DNAAF2: variants seen among roughly 807,000 people sequenced by gnomAD.
DNAAF2 encodes the protein protein kintoun.
A neutral mutation model predicts 48.8 loss-of-function variants in DNAAF2; 58 were observed. The observed-to-expected ratio is 1.19, with a 90% CI of 0.96 to 1.48. The LOEUF (loss-of-function observed/expected upper bound fraction) is 1.48, where lower values mean the gene tolerates loss of function less well. Among genes scored for constraint, DNAAF2 ranks in the 40% most tolerant of loss-of-function variants. The probability of loss-of-function intolerance (pLI) is 0.00; values close to 1 mark genes in which losing one functional copy is unlikely to be tolerated. For missense variants in DNAAF2, 1,241 were observed against 1,116.1 expected, an observed-to-expected ratio of 1.11 and a Z score of -1.59; for synonymous variants, 567 against 481.2, an observed-to-expected ratio of 1.18 and a Z score of -2.33.
Position 49,633,935 on chromosome 14 carries a change from A to C in DNAAF2, c.1215T>G (p.Ala405=), listed in dbSNP as rs886050526. 5 of 1,530,868 alleles carry C rather than the reference A, an allele frequency of 3.3e-6. No homozygotes were observed. Among genetic ancestry groups the C allele is most frequent in the Non-Finnish European group, 3.5e-6 (4 of 1,144,904 alleles). The allele number at this position is 1,530,868 out of a possible 1,614,324, so 94.8% of individuals were successfully genotyped here. ...TGGTGACCCCGGAGCCCGCAGCCCC[A>C]GCCACGCAGGTATCGTGGCCTCCGT... is the stretch of plus-strand genomic sequence containing the variant. ...AEDGGHDTCV[A]GAAGSGVTTL... Residue 405 remains alanine, a synonymous_variant, in exon 1 of 3, where the codon GCT becomes GCG. Coordinates refer to ENST00000298292, the MANE Select transcript of DNAAF2 (RefSeq NM_018139.3).
At position 49,633,605 on chromosome 14, in the gene DNAAF2, G is replaced by C. The variant is rs990883069; in HGVS notation, c.1545C>G (p.Thr515=). 18 of 1,613,796 alleles carry C rather than the reference G, an allele frequency of 1.1e-5. No individual in the cohort carries two copies. The highest frequency in any genetic ancestry group is 1.4e-5 in the Non-Finnish European group (17 of 1,179,868). ...RSACAMGGPG[T]KSGEPLCPPL... The stretch of plus-strand genomic sequence containing the variant: ...GAGGACACAAAGGCTCCCCGCTCTT[G>C]GTCCCGGGACCACCCATGGCGCAGG... The change falls in exon 1 of 3, where the codon ACC becomes ACG. Residue 515 remains threonine (T), a synonymous_variant. Transcript: ENST00000298292.
rs566767647 is a variant in DNAAF2 at position 49,628,970 on chromosome 14, AT to A, written c.1864-816del. Among the ~76,000 whole-genome samples, 1,446 of 150,682 alleles carry A rather than the reference AT, an allele frequency of 9.6e-3. 21 individuals are homozygous for A. Among genetic ancestry groups the A allele is most frequent in the African/African-American group, 0.034 (1,376 of 41,066 alleles). ...AATAAGTGGTGTGTTTTTTTGTTTG[AT>A]TTTGTTTTTGAGACAGAGTCTTGCT... On this transcript the variant is annotated intron_variant, in intron 1 of 2. Transcript: ENST00000298292.
chr14:49,634,348 A>T lies in DNAAF2; in HGVS notation c.802T>A (p.Tyr268Asn). 6.2e-7 allele frequency: 1 copy of T among 1,610,424 alleles called. No homozygotes were observed. The highest frequency in any genetic ancestry group is 8.5e-7 in the Non-Finnish European group (1 of 1,179,100). Reference protein sequence around the residue: ...VQRHHVDLQDYRCSRDSAPSP... With the variant: ...VQRHHVDLQDNRCSRDSAPSP... ...GGGGCTGAGTCCCTGGAGCAGCGGT[A>T]ATCCTGGAGGTCCACGTGGTGGCGC... Residue 268 changes from tyrosine (Y) to asparagine (N), a missense_variant, in exon 1 of 3, where the codon TAC becomes AAC. Coordinates refer to ENST00000298292, the MANE Select transcript of DNAAF2 (RefSeq NM_018139.3).
chr14:49,633,286 C>A lies in DNAAF2; in HGVS notation c.1863+1G>T, dbSNP rs1383119923. On this transcript the variant is annotated splice_donor_variant, in intron 1 of 2. Coordinates refer to ENST00000298292, the MANE Select transcript of DNAAF2 (RefSeq NM_018139.3). LOFTEE classifies it high-confidence loss of function. ...ATGAGGACTCTGGAAAGAACTGTTA[C>A]CTCCAAAGAATCGTTGTTTACACCA... 1 of 1,612,564 alleles carries A rather than the reference C, an allele frequency of 6.2e-7. No individual in the cohort carries two copies. The highest frequency in any genetic ancestry group is 1.7e-5 in the Admixed American group (1 of 59,928).
chr14:49,625,958 G>T lies in DNAAF2; in HGVS notation c.2098C>A (p.His700Asn). ...SHLTEKEYIE[H>N]CNTPTTDSDS... ...GAATCAGTTGTAGGGGTGTTACAATGTTCTATATATTCCTTTTCAGTTAGA... is the reference window on the plus strand; with the variant it reads ...GAATCAGTTGTAGGGGTGTTACAATTTTCTATATATTCCTTTTCAGTTAGA... Residue 700 changes from histidine to asparagine, a missense_variant, in exon 3 of 3, where the codon CAT (histidine) becomes AAT (asparagine). His to Asn is a moderately conservative substitution (Grantham distance 68). Coordinates refer to ENST00000298292, the MANE Select transcript of DNAAF2 (RefSeq NM_018139.3). The T allele has an allele frequency of 1.2e-6, 2 of 1,611,222 alleles. No individual in the cohort carries two copies. Among genetic ancestry groups the T allele is most frequent in the Non-Finnish European group, 1.7e-6 (2 of 1,179,150 alleles).
At chr14:49,628,517 C>CAT (rs1883069959) in intron 1 of DNAAF2, among the ~76,000 whole-genome samples, 1 of 151,388 alleles carries the variant, frequency 6.6e-6, no homozygotes, top group South Asian at 2.1e-4. Context: ...TGCAGTGGTG[C>CAT]AATCTCGGCT....
In DNAAF2 at chr14:49,633,801, C is replaced by A. The variant is rs185938951; in HGVS notation, c.1349G>T (p.Ser450Ile). The A allele has an allele frequency of 9.5e-5, 151 of 1,589,790 alleles. 2 individuals carry two copies. The East Asian group carries it at 3.3e-3, about 35-fold the overall frequency. The change falls in exon 1 of 3, where the codon AGC becomes ATC. Residue 450 changes from serine to isoleucine, a missense_variant. Physicochemically the swap from Ser to Ile is moderately radical, Grantham distance 142 (BLOSUM62 -2). Transcript: ENST00000298292. ...TCCTCCAGGAGATGGCTCCTCCACG[C>A]TGCCCGGCGGTGACCCCGCGTGCCT... Reference protein sequence around the residue: ...LSRHAGSPPGSVEEPSPGGEN... With the variant: ...LSRHAGSPPGIVEEPSPGGEN...
At chr14:49,628,680 C>T (rs191957153) in intron 1 of DNAAF2, among the ~76,000 whole-genome samples, 77 of 152,300 alleles carry the variant, frequency 5.1e-4, no homozygotes, top group Middle Eastern at 3.4e-3. Flanking sequence ...GTCTTGAACT[C>T]CTGACCTCAA....
intron 1 of DNAAF2, among the ~76,000 whole-genome samples, chr14:49,628,898 C>T (rs1458206765): frequency 6.6e-6 from 1 of 152,100 alleles, no homozygotes; most frequent in African/African-American, 2.4e-5. Flanking sequence ...TTTGTGTGAC[C>T]TTTTAGTTCT....
At position 49,633,860 on chromosome 14, in the gene DNAAF2, C is replaced by G. The variant is rs756180185; in HGVS notation, c.1290G>C (p.Glu430Asp). 6.5e-7 allele frequency: 1 copy of G among 1,549,846 alleles called. No individual in the cohort carries two copies. Among genetic ancestry groups the G allele is most frequent in the Non-Finnish European group, 8.7e-7 (1 of 1,155,074 alleles). ...CCTGCTCCCCCGGCTTGGGGACACG[C>G]TCCTCTCCAGCTGCGGCCGGCGGAG... ...VAPPPAAAGEERVPKPGEQDL... is the reference protein window; with the variant it reads ...VAPPPAAAGEDRVPKPGEQDL... The change falls in exon 1 of 3, where the codon GAG becomes GAC. Residue 430 changes from glutamate (E) to aspartate (D), a missense_variant. Physicochemically the swap from Glu to Asp is conservative, Grantham distance 45. Coordinates refer to ENST00000298292, the MANE Select transcript of DNAAF2 (RefSeq NM_018139.3).
At position 49,634,433 on chromosome 14, in the gene DNAAF2, G is replaced by A. The variant is rs1388353008; in HGVS notation, c.717C>T (p.Pro239=). Reference sequence around the variant, plus strand: ...GCTGCAAGGCCGCTTCCGGAGGGGAGGGCGCCCGGGGCCCGGGGGCTGCCG... The same window carrying A: ...GCTGCAAGGCCGCTTCCGGAGGGGAAGGCGCCCGGGGCCCGGGGGCTGCCG... ...QYPAAPGPRA[P]SPPEAALQPA... Residue 239 remains proline, a synonymous_variant, in exon 1 of 3, where the codon CCC becomes CCT. Transcript: ENST00000298292. The A allele has an allele frequency of 3.2e-6, 5 of 1,561,262 alleles. No homozygotes were observed. The Admixed American group carries it at 7.5e-5, about 24-fold the overall frequency.
rs1256254153 is a variant in DNAAF2 at position 49,634,645 on chromosome 14, G to A, written c.505C>T (p.Leu169=). The A allele has an allele frequency of 3.1e-6, 5 of 1,607,212 alleles. No homozygotes were observed. Among genetic ancestry groups the A allele is most frequent in the Admixed American group, 1.7e-5 (1 of 60,002 alleles). The change falls in exon 1 of 3, where the codon CTG becomes TTG. Residue 169 remains leucine, a synonymous_variant. Coordinates refer to ENST00000298292, the MANE Select transcript of DNAAF2 (RefSeq NM_018139.3). ...CCGAACTGCTTCTCGACGGCCTCCAGGGCCGTGGCGTCCAGCATCTGGCGG... is the reference window on the plus strand; with the variant it reads ...CCGAACTGCTTCTCGACGGCCTCCAAGGCCGTGGCGTCCAGCATCTGGCGG... ...GFRQMLDATA[L]EAVEKQFGVK... is the part of the protein sequence containing the mutation.
intron 1 of DNAAF2, among the ~76,000 whole-genome samples, chr14:49,631,164 A>G (rs1203272458): frequency 6.6e-6 from 1 of 152,240 alleles, no homozygotes; most frequent in Admixed American, 6.5e-5. Context: ...TATTATTTGA[A>G]GATCCAGAAT....
In DNAAF2 at chr14:49,634,308, T is replaced by A. The variant is rs1001229027; in HGVS notation, c.842A>T (p.His281Leu). ...CAGTTCGATGGTGATCACCAGCTCA[T>A]GGGGCACGGGGCTCGGGGCTGAGTC... ...SRDSAPSPVP[H>L]ELVITIELPL... Residue 281 changes from histidine (H) to leucine (L), a missense_variant, in exon 1 of 3, where the codon CAT becomes CTT. Physicochemically the swap from His to Leu is moderately conservative, Grantham distance 99. Coordinates refer to ENST00000298292, the MANE Select transcript of DNAAF2 (RefSeq NM_018139.3). The A allele has an allele frequency of 1.2e-6, 2 of 1,611,890 alleles. No individual in the cohort carries two copies. The highest frequency in any genetic ancestry group is 1.7e-6 in the Non-Finnish European group (2 of 1,179,714).
chr14:49,632,055 T>C (rs1883177871), intron 1 of DNAAF2, among the ~76,000 whole-genome samples: 1 of 152,252 alleles, frequency 6.6e-6, no homozygotes, highest in Non-Finnish European at 1.5e-5. Flanking sequence ...TTTTCGTCGT[T>C]TATTTTCTAA....
intron 1 of DNAAF2, among the ~76,000 whole-genome samples, chr14:49,630,711 T>TAC (rs34629972): frequency 0.036 from 4,375 of 120,118 alleles, 181 homozygotes; most frequent in African/African-American, 0.11. Flanking sequence ...ATAAACTCTC[T>TAC]ACACACACAC....
intron 1 of DNAAF2, among the ~76,000 whole-genome samples, chr14:49,632,912 GTTGT>G (rs1197138391): frequency 1.1e-3 from 22 of 19,600 alleles, no homozygotes; most frequent in African/African-American, 2.8e-3. Context: ...CAAATTTTAA[GTTGT>G]TTTTTTTTTT....
Position 49,625,444 on chromosome 14 carries a change from C to A in DNAAF2, c.*98G>T. On this transcript the variant is annotated 3_prime_UTR_variant, in exon 3 of 3. Transcript: ENST00000298292. ...AAAAATTGCAAATTTTAATTTTATA[C>A]TTTAATACCTTTAGTTTTAAGACAA... 1.0e-6 allele frequency: 1 copy of A among 954,658 alleles called. No individual in the cohort carries two copies. The highest frequency in any genetic ancestry group is 4.3e-5 in the South Asian group (1 of 23,186). 59.1% of individuals were successfully genotyped at this position (954,658 alleles called of 1,614,324 possible). A position where few individuals can be genotyped will look rare whatever the true frequency, so the allele number is the denominator to read the frequency against.
At chr14:49,626,431 C>T (rs1883008478) in intron 2 of DNAAF2, among the ~76,000 whole-genome samples, 1 of 152,130 alleles carries the variant, frequency 6.6e-6, no homozygotes, top group African/African-American at 2.4e-5. Context: ...GGAGGTTGCA[C>T]TGGGCCGAGA....
Sources: allele counts gnomAD v4.1 joint callset (sites outside exome capture counted in the v4.1 genomes callset), GRCh38; gene constraint gnomAD v4.1.1; transcripts MANE v1.5; gene names NCBI Gene and HGNC (gene_info 2026-07-23, HGNC 2026-07-21).